ANKRD33B: variants seen among roughly 807,000 people sequenced by gnomAD.
The protein encoded by ANKRD33B is ankyrin repeat domain 33B.
In ANKRD33B, 6 loss-of-function variants were observed where a neutral mutation model predicts 21.5. The ratio of observed to expected loss-of-function variants is 0.28; its 90% CI spans 0.15 to 0.55. The LOEUF (loss-of-function observed/expected upper bound fraction) is 0.55. Among genes scored for constraint, ANKRD33B ranks in the 20% least tolerant of loss-of-function variants. The pLI, the probability that ANKRD33B is intolerant of heterozygous loss-of-function variation, is 0.94. For missense variants in ANKRD33B, 698 were observed against 747.2 expected (o/e 0.93, Z 0.77); for synonymous variants, 347 against 342.4 (o/e 1.01, Z -0.15).
intron 3 of ANKRD33B, among the ~76,000 whole-genome samples, chr5:10,645,937 C>T (rs532745421): frequency 6.6e-6 from 1 of 152,338 alleles, no homozygotes; most frequent in South Asian, 2.1e-4. Flanking sequence ...GTTGTCAGAA[C>T]TGGCGGACTG....
At chr5:10,567,959 G>A (rs865796542) in intron 1 of ANKRD33B, among the ~76,000 whole-genome samples, 2 of 152,168 alleles carry the variant, frequency 1.3e-5, no homozygotes, top group Non-Finnish European at 2.9e-5. Context: ...CTCTAAAGGC[G>A]TCTAAACTTT....
rs1317930525 is a variant in ANKRD33B at position 10,650,784 on chromosome 5, A to G, written c.*671A>G. 1 of 152,400 alleles carries G rather than the reference A, an allele frequency of 6.6e-6. No homozygotes were observed. Among genetic ancestry groups the G allele is most frequent in the African/African-American group, 2.4e-5 (1 of 41,468 alleles). The allele number at this position is 152,400 out of a possible 1,614,324, so 9.4% of individuals were successfully genotyped here. A position where few individuals can be genotyped will look rare whatever the true frequency, so the allele number is the denominator to read the frequency against. On this transcript the variant is annotated 3_prime_UTR_variant, in exon 4 of 4. Coordinates refer to ENST00000296657, the MANE Select transcript of ANKRD33B (RefSeq NM_001164440.2). ...CTGTATCTTTTTAAAACTCTTATCC[A>G]TATAGTAATATATTGAGGAAAAACA...
At chr5:10,574,768 A>G (rs1579710381) in intron 1 of ANKRD33B, among the ~76,000 whole-genome samples, 1 of 152,140 alleles carries the variant, frequency 6.6e-6, no homozygotes, top group Middle Eastern at 3.4e-3. Flanking sequence ...GAGATCCTGT[A>G]AGAATGTCAT....
intron 3 of ANKRD33B, among the ~76,000 whole-genome samples, chr5:10,647,397 C>T (rs1205819479): frequency 1.3e-5 from 2 of 152,186 alleles, no homozygotes; most frequent in Admixed American, 6.5e-5. Flanking sequence ...GTGTGAGCCA[C>T]TATGCCTGGC....
rs200582308 is a variant in ANKRD33B, at chr5:10,656,439, TCATA to T, written c.*6330_*6333del. 732 of 152,510 alleles carry T rather than the reference TCATA, an allele frequency of 4.8e-3. 6 individuals carry two copies. The highest frequency in any genetic ancestry group is 4.9e-3 in the Non-Finnish European group (333 of 68,054). 9.4% of individuals were successfully genotyped at this position (152,510 alleles called of 1,614,324 possible). A position where few individuals can be genotyped will look rare whatever the true frequency, so the allele number is the denominator to read the frequency against. On this transcript the variant is annotated 3_prime_UTR_variant, in exon 4 of 4. Transcript: ENST00000296657. ...CACGGGCGAGCACATGTATGTGTAC[TCATA>T]CATCCAGATGAACTAAAGGGACACT...
chr5:10,589,847 C>T (rs1483323054), intron 1 of ANKRD33B, among the ~76,000 whole-genome samples: 2 of 151,980 alleles, frequency 1.3e-5, no homozygotes, highest in Non-Finnish European at 2.9e-5. Flanking sequence ...TGTTTTTGTT[C>T]CAATCCCTTT....
intron 1 of ANKRD33B, among the ~76,000 whole-genome samples, chr5:10,609,500 C>T (rs1181360576): frequency 6.6e-6 from 1 of 151,986 alleles, no homozygotes; most frequent in Non-Finnish European, 1.5e-5. Flanking sequence ...TGCAGTGAGC[C>T]GTGATGCACT....
At chr5:10,574,424 A>G (rs1229780404) in intron 1 of ANKRD33B, among the ~76,000 whole-genome samples, 1 of 152,232 alleles carries the variant, frequency 6.6e-6, no homozygotes, top group African/African-American at 2.4e-5. Flanking sequence ...GATCTAACAC[A>G]ATTCTAAATA....
intron 1 of ANKRD33B, among the ~76,000 whole-genome samples, chr5:10,598,744 C>T (rs1735869905): frequency 6.6e-6 from 1 of 152,082 alleles, no homozygotes; most frequent in Non-Finnish European, 1.5e-5. Flanking sequence ...CCTGGCCAAT[C>T]ATATTTTATG....
intron 1 of ANKRD33B, among the ~76,000 whole-genome samples, chr5:10,589,103 A>G (rs1270041979): frequency 6.6e-6 from 1 of 152,092 alleles, no homozygotes; most frequent in African/African-American, 2.4e-5. Flanking sequence ...GGAACCTGAT[A>G]AGGTAACCCC....
At chr5:10,627,420 A>G (rs1379163201) in intron 2 of ANKRD33B, 1 of 152,200 alleles carries the variant, frequency 6.6e-6, no homozygotes, top group Non-Finnish European at 1.5e-5. Flanking sequence ...TGTGCTTGCA[A>G]CTTGTTATTT....
At position 10,588,005 on chromosome 5, in the gene ANKRD33B, T is replaced by A. The variant is rs990502732; in HGVS notation, c.366+23172T>A. On this transcript the variant is annotated intron_variant, in intron 1 of 3. Coordinates refer to ENST00000296657, the MANE Select transcript of ANKRD33B (RefSeq NM_001164440.2). ...TGGTATGTTATTATTGTACCCAGTTTTCCTTCCACCAACAGGGTATGAAAT... is the reference window on the plus strand; with the variant it reads ...TGGTATGTTATTATTGTACCCAGTTATCCTTCCACCAACAGGGTATGAAAT... Among the ~76,000 whole-genome samples the A allele has an allele frequency of 2.0e-5, 3 of 152,342 alleles. No individual in the cohort carries two copies. In the South Asian group the frequency reaches 6.2e-4, roughly 32 times the overall value.
At chr5:10,591,053 T>G (rs1421825230) in intron 1 of ANKRD33B, among the ~76,000 whole-genome samples, 1 of 152,146 alleles carries the variant, frequency 6.6e-6, no homozygotes, top group African/African-American at 2.4e-5. Context: ...TTACTTTCTT[T>G]ACACTGTTTT....
At position 10,656,908 on chromosome 5, in the gene ANKRD33B, G is replaced by C. The variant is rs970205547; in HGVS notation, c.*6795G>C. 6.6e-6 allele frequency: 1 copy of C among 152,146 alleles called. No homozygotes were observed. Among genetic ancestry groups the C allele is most frequent in the African/African-American group, 2.4e-5 (1 of 41,374 alleles). The allele number at this position is 152,146 out of a possible 1,614,324, so 9.4% of individuals were successfully genotyped here. A position where few individuals can be genotyped will look rare whatever the true frequency, so the allele number is the denominator to read the frequency against. ...CTATGTATTAGACACTCTAATCAAT[G>C]CTAACACAGTTCAGTTTTTGAGGGA... On this transcript the variant is annotated 3_prime_UTR_variant, in exon 4 of 4. Coordinates refer to ENST00000296657, the MANE Select transcript of ANKRD33B (RefSeq NM_001164440.2).
chr5:10,623,297 G>A (rs1199916889), intron 2 of ANKRD33B, among the ~76,000 whole-genome samples: 2 of 152,154 alleles, frequency 1.3e-5, no homozygotes, highest in Admixed American at 1.3e-4. Context: ...TGAATTAGGT[G>A]TAATACCCCA....
intron 2 of ANKRD33B, among the ~76,000 whole-genome samples, chr5:10,637,463 C>CACACACAT: frequency 8.8e-6 from 1 of 113,844 alleles, no homozygotes; most frequent in Non-Finnish European, 1.8e-5. Flanking sequence ...CACACACACA[C>CACACACAT]GGCGGCGGGG....
intron 3 of ANKRD33B, among the ~76,000 whole-genome samples, chr5:10,643,018 C>G (rs1262315083): frequency 6.6e-6 from 1 of 152,120 alleles, no homozygotes; most frequent in South Asian, 2.1e-4. Context: ...AATTCTCTTG[C>G]TTCAGCCTCC....
At position 10,577,933 on chromosome 5, in the gene ANKRD33B, G is replaced by A. The variant is rs1316003446; in HGVS notation, c.366+13100G>A. 1.6e-4 allele frequency among the ~76,000 whole-genome samples: 24 copies of A among 152,164 alleles called. 1 individual carries two copies. Among genetic ancestry groups the A allele is most frequent in the Admixed American group, 1.3e-3 (20 of 15,274 alleles). ...GCTTTGGAGGGTCCAGGTCTTAGGG[G>A]GACCTGTTTCCTTGGGAGTACAAAG... On this transcript the variant is annotated intron_variant, in intron 1 of 3. Coordinates refer to ENST00000296657, the MANE Select transcript of ANKRD33B (RefSeq NM_001164440.2).
At chr5:10,569,952 CTG>C (rs1165655150) in intron 1 of ANKRD33B, among the ~76,000 whole-genome samples, 2 of 152,234 alleles carry the variant, frequency 1.3e-5, no homozygotes, top group Admixed American at 6.5e-5. Context: ...TATCAGCTCA[CTG>C]CAACCTCCGT....
Sources: allele counts gnomAD v4.1 joint callset (sites outside exome capture counted in the v4.1 genomes callset), GRCh38; gene constraint gnomAD v4.1.1; transcripts MANE v1.5; gene names NCBI Gene and HGNC (gene_info 2026-07-23, HGNC 2026-07-21).